Variants in PDE8B observed in about 807,000 individuals in gnomAD.
The protein encoded by PDE8B is high affinity cAMP-specific and IBMX-insensitive 3',5'-cyclic phosphodiesterase 8B.
Under a neutral mutation model 101.3 loss-of-function variants are expected in PDE8B, and 26 were observed. The ratio of observed to expected loss-of-function variants is 0.26; its 90% CI spans 0.19 to 0.36. The LOEUF (loss-of-function observed/expected upper bound fraction) is 0.36. Among genes scored for constraint, PDE8B ranks in the 10% least tolerant of loss-of-function variants. The pLI, the probability that PDE8B is intolerant of heterozygous loss-of-function variation, is 1.00. For synonymous variants in PDE8B, 424 were observed against 429.3 expected, an observed-to-expected ratio of 0.99 and a Z score of 0.15; for missense variants, 810 against 1,163.1, an observed-to-expected ratio of 0.70 and a Z score of 4.42.
At chr5:77,358,860 C>T (rs1782586833) in intron 10 of PDE8B, among the ~76,000 whole-genome samples, 1 of 152,184 alleles carries the variant, frequency 6.6e-6, no homozygotes, top group South Asian at 2.1e-4. Context: ...ACTTTGTACA[C>T]GTGCACCTTA....
intron 10 of PDE8B, among the ~76,000 whole-genome samples, chr5:77,392,869 C>G (rs144898350): frequency 7.0e-4 from 107 of 152,284 alleles, no homozygotes; most frequent in African/African-American, 2.5e-3. Flanking sequence ...AATACCATGA[C>G]TTCAGTTTTC....
the PDE8B span, among the ~76,000 whole-genome samples, chr5:77,168,588 G>A: frequency 1.3e-5 from 2 of 152,264 alleles, no homozygotes; most frequent in Non-Finnish European, 2.9e-5. Context: ...TGGGGCGAAG[G>A]CAAGTCATAT....
intron 1 of PDE8B, among the ~76,000 whole-genome samples, chr5:77,225,627 C>T (rs933683995): frequency 6.6e-6 from 1 of 152,008 alleles, no homozygotes; most frequent in Admixed American, 6.6e-5. Context: ...CTGGTCATTG[C>T]TTCTGGACTT....
chr5:77,334,642 C>G (rs1319470969), intron 5 of PDE8B, among the ~76,000 whole-genome samples: 1 of 152,124 alleles, frequency 6.6e-6, no homozygotes, highest in Non-Finnish European at 1.5e-5. Flanking sequence ...CTTAATCCTC[C>G]TCTACATATG....
At chr5:77,110,630 C>T in the PDE8B span, among the ~76,000 whole-genome samples, 3 of 152,160 alleles carry the variant, frequency 2.0e-5, no homozygotes, top group South Asian at 6.2e-4. Context: ...CAAGCTGCAG[C>T]TTTCTAAAGG....
In PDE8B at chr5:77,290,230, G is replaced by A. The variant is rs1388881450; in HGVS notation, c.340-21764G>A. 9.7e-6 allele frequency: 15 copies of A among 1,545,894 alleles called. No individual in the cohort carries two copies. The South Asian group carries it at 1.8e-4, about 18-fold the overall frequency. On this transcript the variant is annotated intron_variant, in intron 1 of 21. Coordinates refer to ENST00000264917, the MANE Select transcript of PDE8B (RefSeq NM_003719.5). ...CTGTGTGTGCACGCTGCAAAGACCA[G>A]CAAGCTCCTTGGACCTTGGAGCAGG...
chr5:77,412,983 C>CT, intron 16 of PDE8B, 128 bp from the exon 17 acceptor site: 1 of 805,512 alleles, frequency 1.2e-6, no homozygotes, highest in South Asian at 1.4e-5. Context: ...AGAGGAGATG[C>CT]TTTTAAACCC....
chr5:77,375,795 A>G (rs1230162369), intron 10 of PDE8B, among the ~76,000 whole-genome samples: 1 of 151,512 alleles, frequency 6.6e-6, no homozygotes, highest in African/African-American at 2.4e-5. Context: ...AGATACATAT[A>G]CTTTAAAAAA....
the PDE8B span, among the ~76,000 whole-genome samples, chr5:77,100,695 T>A: frequency 1.3e-5 from 2 of 152,158 alleles, no homozygotes; most frequent in Admixed American, 6.5e-5. Flanking sequence ...GGCTCCCTCC[T>A]GCTTGTTTAA....
At chr5:77,185,884 C>G in the PDE8B span, among the ~76,000 whole-genome samples, 1 of 152,100 alleles carries the variant, frequency 6.6e-6, no homozygotes, top group Admixed American at 6.5e-5. Flanking sequence ...GATGGGAAAC[C>G]TAGGGGTTAG....
At chr5:77,384,236 C>A (rs1257210844) in intron 10 of PDE8B, among the ~76,000 whole-genome samples, 1 of 152,118 alleles carries the variant, frequency 6.6e-6, no homozygotes, top group Non-Finnish European at 1.5e-5. Context: ...ATTTTATTCT[C>A]TTTGTAGCAA....
At chr5:77,410,684 G>GTTA (rs1299840146) in intron 14 of PDE8B, 4 of 151,872 alleles carry the variant, frequency 2.6e-5, no homozygotes, top group Non-Finnish European at 4.4e-5. Flanking sequence ...AATTGTGGCT[G>GTTA]TTGTTACTTC....
the PDE8B span, among the ~76,000 whole-genome samples, chr5:77,149,040 G>A: frequency 6.6e-6 from 1 of 151,936 alleles, no homozygotes; most frequent in Admixed American, 6.6e-5. Context: ...TTCATTTTTT[G>A]CATATGATGT....
At chr5:77,376,699 CTG>C (rs1206263868) in intron 10 of PDE8B, among the ~76,000 whole-genome samples, 1 of 152,176 alleles carries the variant, frequency 6.6e-6, no homozygotes, top group Admixed American at 6.5e-5. Context: ...AGTGATAAAA[CTG>C]TTTTACATTC....
chr5:77,203,404 C>A, the PDE8B span, among the ~76,000 whole-genome samples: 2 of 152,304 alleles, frequency 1.3e-5, no homozygotes, highest in South Asian at 2.1e-4. Context: ...GTGTTCCTAA[C>A]TGAATTGTCT....
At chr5:77,171,619 T>G in the PDE8B span, among the ~76,000 whole-genome samples, 1 of 152,330 alleles carries the variant, frequency 6.6e-6, no homozygotes, top group East Asian at 1.9e-4. Context: ...AGATGGGTTT[T>G]GTGTCCAAGT....
Position 77,325,519 on chromosome 5 carries a change from C to A in PDE8B, c.400-20C>A, listed in dbSNP as rs1425513741. ...ATGGATGATGATTTATTTCAAGATG[C>A]CCTTTTTGTTGTGTTTCAGGTTTTG... On this transcript the variant is annotated intron_variant, in intron 2 of 21. Transcript: ENST00000264917. 6.8e-6 allele frequency: 11 copies of A among 1,609,102 alleles called. No individual in the cohort carries two copies. Among genetic ancestry groups the A allele is most frequent in the African/African-American group, 1.3e-5 (1 of 74,804 alleles).
intron 1 of PDE8B, among the ~76,000 whole-genome samples, chr5:77,271,957 C>T (rs559920325): frequency 3.3e-5 from 5 of 152,282 alleles, no homozygotes; most frequent in East Asian, 1.9e-4. Context: ...GTGTGGTCCT[C>T]GGAACAGTAC....
intron 2 of PDE8B, among the ~76,000 whole-genome samples, chr5:77,324,142 A>G (rs1306654421): frequency 6.6e-6 from 1 of 152,212 alleles, no homozygotes; most frequent in East Asian, 1.9e-4. Context: ...TATTTAAACC[A>G]GACGTGGGTG....
Sources: gnomAD v4.1 joint callset for allele counts (sites outside exome capture counted in the v4.1 genomes callset) on GRCh38, gnomAD v4.1.1 for gene constraint, MANE v1.5 for transcripts, NCBI Gene and HGNC (gene_info 2026-07-23, HGNC 2026-07-21) for gene names.